The following SERTAD2 variants were observed in gnomAD, a reference collection of about 807,000 sequenced individuals.
SERTAD2 encodes the protein SERTA domain containing 2, also known as SERTA domain-containing protein 2.
In SERTAD2, 2 loss-of-function variants were observed where a neutral mutation model predicts 15.4. The ratio of observed to expected loss-of-function variants is 0.13; its 90% CI spans 0.05 to 0.41. The LOEUF is 0.41. SERTAD2 is among the 10% of genes least tolerant of loss of function. The pLI, the probability that SERTAD2 is intolerant of heterozygous loss-of-function variation, is 0.99. For synonymous variants in SERTAD2, 180 were observed against 178.0 expected (o/e 1.01, Z -0.09); for missense variants, 333 against 409.7 (o/e 0.81, Z 1.62).
Position 64,636,111 on chromosome 2 carries a change from G to A in SERTAD2, c.761C>T (p.Ser254Phe). The change falls in exon 2 of 2, where the codon TCC (serine) becomes TTC (phenylalanine). Residue 254 changes from serine (S) to phenylalanine (F), a missense_variant. Around this residue, in one of 2 missense-constraint regions of SERTAD2, gnomAD observed 332 missense variants for 392.9 expected, o/e 0.84. Transcript: ENST00000313349. ...DDILFADIDT[S>F]MYDFDPCTSS... ...AGTGCAGGGGTCAAAATCATACATG[G>A]ACGTATCAATGTCAGCAAACAGGAT... The A allele has an allele frequency of 6.2e-7, 1 of 1,614,182 alleles. No individual in the cohort carries two copies. The highest frequency in any genetic ancestry group is 8.5e-7 in the Non-Finnish European group (1 of 1,180,046).
chr2:64,650,235 G>A (rs918675068), intron 1 of SERTAD2, among the ~76,000 whole-genome samples: 1 of 151,944 alleles, frequency 6.6e-6, no homozygotes, highest in African/African-American at 2.4e-5. Context: ...GGCAGTATCT[G>A]TTCTGTCCTA....
Position 64,635,252 on chromosome 2 carries a change from C to T in SERTAD2, c.*675G>A, listed in dbSNP as rs1473627448. 6.6e-6 allele frequency: 1 copy of T among 152,640 alleles called. No homozygotes were observed. The highest frequency in any genetic ancestry group is 2.4e-5 in the African/African-American group (1 of 41,438). 9.5% of individuals were successfully genotyped at this position (152,640 alleles called of 1,614,324 possible). ...CAACTCTATAAAAGTACAAGTGCAACTTGTACATCTGAAGTTTGCAGGAAC... is the reference window on the plus strand; with the variant it reads ...CAACTCTATAAAAGTACAAGTGCAATTTGTACATCTGAAGTTTGCAGGAAC... On this transcript the variant is annotated 3_prime_UTR_variant, in exon 2 of 2. Coordinates refer to ENST00000313349, the MANE Select transcript of SERTAD2 (RefSeq NM_014755.3).
chr2:64,634,291 T>C lies in SERTAD2; in HGVS notation c.*1636A>G, dbSNP rs1347818332. 6.7e-6 allele frequency: 1 copy of C among 148,284 alleles called. No homozygotes were observed. Among genetic ancestry groups the C allele is most frequent in the Non-Finnish European group, 1.5e-5 (1 of 67,786 alleles). 9.2% of individuals were successfully genotyped at this position (148,284 alleles called of 1,614,324 possible). A position where few individuals can be genotyped will look rare whatever the true frequency, so the allele number is the denominator to read the frequency against. On this transcript the variant is annotated 3_prime_UTR_variant, in exon 2 of 2. Transcript: ENST00000313349. The stretch of plus-strand genomic sequence containing the variant: ...CCATAAACAGTTTCGGCAACAAGCA[T>C]GATACATTGCAACCTTTTTAAAATT...
intron 1 of SERTAD2, among the ~76,000 whole-genome samples, chr2:64,648,364 A>G (rs1012862318): frequency 6.6e-6 from 1 of 152,226 alleles, no homozygotes; most frequent in African/African-American, 2.4e-5. Flanking sequence ...TTGTAGAAAG[A>G]AAAAGGCAAT....
intron 1 of SERTAD2, among the ~76,000 whole-genome samples, chr2:64,650,262 A>G (rs1674981446): frequency 6.6e-6 from 1 of 152,194 alleles, no homozygotes; most frequent in Non-Finnish European, 1.5e-5. Flanking sequence ...ATCATATATT[A>G]TAAAATATAT....
rs1258010490 is a variant in SERTAD2, at chr2:64,634,898, G to GA, written c.*1028dup. ...AAACTTGGCATAAATACACTCTTAAGAAAGACAGTAGCTTTACCCTCAAAA... is the reference window on the plus strand; with the variant it reads ...AAACTTGGCATAAATACACTCTTAAGAAAAGACAGTAGCTTTACCCTCAAAA... On this transcript the variant is annotated 3_prime_UTR_variant, in exon 2 of 2. Transcript: ENST00000313349. The GA allele has an allele frequency of 1.3e-5, 2 of 152,634 alleles. No homozygotes were observed. Among genetic ancestry groups the GA allele is most frequent in the African/African-American group, 4.8e-5 (2 of 41,444 alleles). 9.5% of individuals were successfully genotyped at this position (152,634 alleles called of 1,614,324 possible). A position where few individuals can be genotyped will look rare whatever the true frequency, so the allele number is the denominator to read the frequency against.
Position 64,636,785 on chromosome 2 carries a change from G to C in SERTAD2, c.87C>G (p.Ser29=). ...GKIVSPCDGP[S]KVSYTLQRQT... The stretch of plus-strand genomic sequence containing the variant: ...GGCGCTGTAAGGTGTAAGACACCTT[G>C]GATGGACCGTCACAGGGAGACACGA... The change falls in exon 2 of 2, where the codon TCC becomes TCG. Residue 29 remains serine, a synonymous_variant. Coordinates refer to ENST00000313349, the MANE Select transcript of SERTAD2 (RefSeq NM_014755.3). 1 of 1,614,140 alleles carries C rather than the reference G, an allele frequency of 6.2e-7. No homozygotes were observed. The highest frequency in any genetic ancestry group is 8.5e-7 in the Non-Finnish European group (1 of 1,179,978).
chr2:64,653,362 C>A (rs967188122), intron 1 of SERTAD2, among the ~76,000 whole-genome samples: 2 of 152,098 alleles, frequency 1.3e-5, no homozygotes, highest in African/African-American at 2.4e-5. Context: ...CGACCCCCTC[C>A]TGACCCCGGC....
At chr2:64,637,207 G>A (rs149231918) in intron 1 of SERTAD2, among the ~76,000 whole-genome samples, 26 of 152,258 alleles carry the variant, frequency 1.7e-4, no homozygotes, top group Admixed American at 1.4e-3. Context: ...GCTTGTGTTC[G>A]CATGCCTAAG....
At position 64,635,720 on chromosome 2, in the gene SERTAD2, A is replaced by C. The variant is rs1261185779; in HGVS notation, c.*207T>G. On this transcript the variant is annotated 3_prime_UTR_variant, in exon 2 of 2. Coordinates refer to ENST00000313349, the MANE Select transcript of SERTAD2 (RefSeq NM_014755.3). ...ATACCAGGGTAGTAGGTCTCTGAGG[A>C]ACCACTCAAAAAAGTGTATTAAAAG... 1 of 538,828 alleles carries C rather than the reference A, an allele frequency of 1.9e-6. No homozygotes were observed. Among genetic ancestry groups the C allele is most frequent in the East Asian group, 2.9e-5 (1 of 34,366 alleles). 33.4% of individuals were successfully genotyped at this position (538,828 alleles called of 1,614,324 possible).
At chr2:64,653,199 CAA>C (rs1675051950) in intron 1 of SERTAD2, among the ~76,000 whole-genome samples, 1 of 152,178 alleles carries the variant, frequency 6.6e-6, no homozygotes, top group East Asian at 1.9e-4. Context: ...CCACGGAACT[CAA>C]AAGTGAAGCA....
Position 64,632,219 on chromosome 2 carries a change from A to C in SERTAD2, c.*3708T>G, listed in dbSNP as rs774775869. The C allele has an allele frequency of 2.1e-4, 32 of 151,488 alleles. No homozygotes were observed. Among genetic ancestry groups the C allele is most frequent in the Admixed American group, 1.3e-3 (20 of 15,156 alleles). The allele number at this position is 151,488 out of a possible 1,614,324, so 9.4% of individuals were successfully genotyped here. ...CAAATTAAGACAATTCGTATAGAGTAGCAATTGCTGCACGAAGTAGAGTCT... is the reference window on the plus strand; with the variant it reads ...CAAATTAAGACAATTCGTATAGAGTCGCAATTGCTGCACGAAGTAGAGTCT... On this transcript the variant is annotated 3_prime_UTR_variant, in exon 2 of 2. Coordinates refer to ENST00000313349, the MANE Select transcript of SERTAD2 (RefSeq NM_014755.3).
chr2:64,652,001 A>AG (rs1675022741), intron 1 of SERTAD2, among the ~76,000 whole-genome samples: 1 of 152,160 alleles, frequency 6.6e-6, no homozygotes, highest in African/African-American at 2.4e-5. Flanking sequence ...AAAAAAAAAA[A>AG]CTGTTAAAGG....
Position 64,636,861 on chromosome 2 carries a change from T to C in SERTAD2, c.11A>G (p.Lys4Arg). 2 of 1,611,234 alleles carry C rather than the reference T, an allele frequency of 1.2e-6. No homozygotes were observed. Among genetic ancestry groups the C allele is most frequent in the Non-Finnish European group, 1.7e-6 (2 of 1,178,006 alleles). Residue 4 changes from lysine (K) to arginine (R), a missense_variant, in exon 2 of 2, where the codon AAA (lysine) becomes AGA (arginine). Coordinates refer to ENST00000313349, the MANE Select transcript of SERTAD2 (RefSeq NM_014755.3). MLGKGGKRKFDEHE... is the reference protein window; with the variant it reads MLGRGGKRKFDEHE... ...CTCATCAAACTTCCGTTTTCCTCCTTTACCCAACATATATCTGCAGAGGGG... is the reference window on the plus strand; with the variant it reads ...CTCATCAAACTTCCGTTTTCCTCCTCTACCCAACATATATCTGCAGAGGGG...
chr2:64,645,083 G>A (rs1322705927), intron 1 of SERTAD2: 2 of 151,364 alleles, frequency 1.3e-5, no homozygotes, highest in African/African-American at 4.9e-5. Flanking sequence ...AATGTCTGAG[G>A]TCCCTGCAGT....
intron 1 of SERTAD2, among the ~76,000 whole-genome samples, chr2:64,638,615 C>T (rs762834279): frequency 6.6e-6 from 1 of 152,192 alleles, no homozygotes; most frequent in Non-Finnish European, 1.5e-5. Flanking sequence ...ACATCAGAAT[C>T]GGCTTGAGAT....
intron 1 of SERTAD2, among the ~76,000 whole-genome samples, chr2:64,639,846 G>A (rs1674733062): frequency 6.6e-6 from 1 of 152,194 alleles, no homozygotes; most frequent in Non-Finnish European, 1.5e-5. Context: ...GAATGATCCA[G>A]CTGGCCAGAG....
intron 1 of SERTAD2, among the ~76,000 whole-genome samples, chr2:64,640,771 T>C (rs1311618537): frequency 3.3e-5 from 5 of 152,118 alleles, no homozygotes; most frequent in African/African-American, 7.2e-5. Flanking sequence ...AAAAAACCCA[T>C]GTCTTCTACC....
intron 1 of SERTAD2, chr2:64,646,749 A>C (rs1296468958): frequency 1.3e-5 from 2 of 152,234 alleles, no homozygotes; most frequent in Non-Finnish European, 2.9e-5. Flanking sequence ...TGTATATAAA[A>C]GTTAATACTG....
Sources: gnomAD v4.1 joint callset for allele counts (sites outside exome capture counted in the v4.1 genomes callset) on GRCh38, gnomAD v4.1.1 for gene constraint, gnomAD v4.1.1 regional missense constraint, MANE v1.5 for transcripts, NCBI Gene and HGNC (gene_info 2026-07-23, HGNC 2026-07-21) for gene names.